The following KCTD16 variants were observed in gnomAD, a reference collection of about 807,000 sequenced individuals.
KCTD16 encodes the protein potassium channel tetramerization domain containing 16.
Under a neutral mutation model 33.2 loss-of-function variants are expected in KCTD16, and 13 were observed. The ratio of observed to expected loss-of-function variants is 0.39; its 90% confidence interval spans 0.25 to 0.62. The LOEUF (loss-of-function observed/expected upper bound fraction) is 0.62, where lower values mean the gene tolerates loss of function less well. Ranked by LOEUF, KCTD16 falls within the 20% of genes least tolerant of loss-of-function variation. The pLI is 0.50. For synonymous variants in KCTD16, 197 were observed against 195.3 expected (o/e 1.01, Z -0.07); for missense variants, 441 against 525.1 (o/e 0.84, Z 1.57).
chr5:144,431,916 A>G (rs946109969), intron 3 of KCTD16, among the ~76,000 whole-genome samples: 2 of 152,152 alleles, frequency 1.3e-5, no homozygotes, highest in African/African-American at 2.4e-5. Flanking sequence ...TTAACACCAA[A>G]CCATGTGTCT....
At chr5:144,191,339 C>T (rs1412264579) in intron 2 of KCTD16, among the ~76,000 whole-genome samples, 1 of 152,180 alleles carries the variant, frequency 6.6e-6, no homozygotes, top group Non-Finnish European at 1.5e-5. Context: ...TTAGTGTTTA[C>T]AGAATTAAGT....
At chr5:144,210,536 A>G (rs796967662) in intron 3 of KCTD16, among the ~76,000 whole-genome samples, 8 of 152,280 alleles carry the variant, frequency 5.3e-5, no homozygotes, top group African/African-American at 1.7e-4. Context: ...CAACCAACTG[A>G]CTGAATAATT....
chr5:144,255,360 T>A (rs1754816149), intron 3 of KCTD16, among the ~76,000 whole-genome samples: 1 of 152,210 alleles, frequency 6.6e-6, no homozygotes, highest in Non-Finnish European at 1.5e-5. Flanking sequence ...AAGTGGGATT[T>A]TTTTTTATCA....
intron 3 of KCTD16, among the ~76,000 whole-genome samples, chr5:144,208,137 CT>C (rs1580788404): frequency 1.3e-5 from 2 of 152,270 alleles, no homozygotes; most frequent in Admixed American, 6.5e-5. Flanking sequence ...ATTCTGAAGC[CT>C]TTTGTACTGA....
chr5:144,192,920 C>A (rs974737378), intron 2 of KCTD16, among the ~76,000 whole-genome samples: 2 of 152,018 alleles, frequency 1.3e-5, no homozygotes, highest in African/African-American at 2.4e-5. Context: ...GATATCTGGG[C>A]AAATAATGGC....
chr5:144,264,167 A>G (rs1755080884), intron 3 of KCTD16, among the ~76,000 whole-genome samples: 1 of 152,228 alleles, frequency 6.6e-6, no homozygotes, highest in Non-Finnish European at 1.5e-5. Flanking sequence ...AAATTAATTT[A>G]AATTAAAATA....
Position 144,207,204 on chromosome 5 carries a change from G to A in KCTD16, c.490G>A (p.Gly164Ser), listed in dbSNP as rs1295411791. The change falls in exon 3 of 4, where the codon GGT becomes AGT. Residue 164 changes from glycine (G) to serine (S), a missense_variant. Transcript: ENST00000512467. ...CCTGCTCCCTGCCGACCGCAAGTGG[G>A]GTTTCATTACTGTGGGTTACAGAGG... Reference protein sequence around the residue: ...SSLLPADRKWGFITVGYRGSC... With the variant: ...SSLLPADRKWSFITVGYRGSC... The A allele has an allele frequency of 1.2e-6, 2 of 1,613,660 alleles. No homozygotes were observed. The highest frequency in any genetic ancestry group is 1.7e-6 in the Non-Finnish European group (2 of 1,179,784).
chr5:144,423,835 C>T, intron 3 of KCTD16, among the ~76,000 whole-genome samples: 1 of 152,034 alleles, frequency 6.6e-6, no homozygotes, highest in South Asian at 2.1e-4. Context: ...ATGCTTTATC[C>T]ACCACTGTCC....
In KCTD16 at chr5:144,360,303, A is replaced by G. The variant is rs534248214; in HGVS notation, c.833-113357A>G. Among the ~76,000 whole-genome samples the G allele has an allele frequency of 3.0e-4, 46 of 151,964 alleles. 1 individual carries two copies. In the South Asian group the frequency reaches 9.4e-3, roughly 31 times the overall value. ...GTGTGATGTTCCCTGCCCTGTGTCC[A>G]TGTGTTCTCATTTTTCAACTTCCAC... is the stretch of plus-strand genomic sequence containing the variant. On this transcript the variant is annotated intron_variant, in intron 3 of 3. Coordinates refer to ENST00000512467, the MANE Select transcript of KCTD16 (RefSeq NM_020768.4).
chr5:144,178,160 T>G (rs1259199161), intron 2 of KCTD16, among the ~76,000 whole-genome samples: 3 of 152,230 alleles, frequency 2.0e-5, no homozygotes, highest in African/African-American at 7.2e-5. Flanking sequence ...AAGAGGCCAT[T>G]ATGTTTATAA....
At chr5:144,219,265 G>A (rs541350222) in intron 3 of KCTD16, among the ~76,000 whole-genome samples, 1 of 152,110 alleles carries the variant, frequency 6.6e-6, no homozygotes, top group South Asian at 2.1e-4. Flanking sequence ...CCAGGCTGGA[G>A]TACAGTGGCA....
chr5:144,332,001 A>G (rs1281464134), intron 3 of KCTD16, among the ~76,000 whole-genome samples: 1 of 152,172 alleles, frequency 6.6e-6, no homozygotes, highest in East Asian at 1.9e-4. Context: ...AAATTCTTAG[A>G]AAAAGCCCAT....
At chr5:144,256,766 C>T (rs1754861110) in intron 3 of KCTD16, among the ~76,000 whole-genome samples, 1 of 151,914 alleles carries the variant, frequency 6.6e-6, no homozygotes, top group Non-Finnish European at 1.5e-5. Flanking sequence ...CATCATGTTG[C>T]TAAAGGAAAA....
Position 144,480,597 on chromosome 5 carries a change from T to C in KCTD16, c.*6483T>C, listed in dbSNP as rs1754685809. ...GAAACTCTCCTTGATTCATGTGGGTTATGTGCATTTAAGGCCGTGGCTCTC... is the reference window on the plus strand; with the variant it reads ...GAAACTCTCCTTGATTCATGTGGGTCATGTGCATTTAAGGCCGTGGCTCTC... On this transcript the variant is annotated 3_prime_UTR_variant, in exon 4 of 4. Coordinates refer to ENST00000512467, the MANE Select transcript of KCTD16 (RefSeq NM_020768.4). The C allele has an allele frequency of 6.6e-6, 1 of 151,908 alleles. No homozygotes were observed. 9.4% of individuals were successfully genotyped at this position (151,908 alleles called of 1,614,324 possible). A position where few individuals can be genotyped will look rare whatever the true frequency, so the allele number is the denominator to read the frequency against.
chr5:144,402,880 T>TA (rs1752733857), intron 3 of KCTD16, among the ~76,000 whole-genome samples: 1 of 152,222 alleles, frequency 6.6e-6, no homozygotes. Flanking sequence ...TTTATTCTGT[T>TA]ACCGTTTGGA....
chr5:144,269,480 A>G (rs527400875), intron 3 of KCTD16, among the ~76,000 whole-genome samples: 36 of 152,228 alleles, frequency 2.4e-4, no homozygotes, highest in African/African-American at 7.9e-4. Context: ...AAATAATCCT[A>G]TATCTGGCAA....
chr5:144,318,368 T>C (rs1304615638), intron 3 of KCTD16, among the ~76,000 whole-genome samples: 3 of 152,188 alleles, frequency 2.0e-5, no homozygotes, highest in Admixed American at 1.3e-4. Flanking sequence ...GAGACTATCA[T>C]ATAATGCAAT....
At position 144,207,318 on chromosome 5, in the gene KCTD16, A is replaced by G. The variant is rs753379870; in HGVS notation, c.604A>G (p.Lys202Glu). 1 of 1,614,212 alleles carries G rather than the reference A, an allele frequency of 6.2e-7. No individual in the cohort carries two copies. The highest frequency in any genetic ancestry group is 8.5e-7 in the Non-Finnish European group (1 of 1,180,048). Residue 202 changes from lysine to glutamate, a missense_variant, in exon 3 of 4, where the codon AAA becomes GAA. By Grantham distance (56) the Lys-to-Glu change is moderately conservative (BLOSUM62 1). Around this residue, in one of 3 missense-constraint regions of KCTD16, gnomAD observed 355 missense variants for 413.0 expected, o/e 0.86. Coordinates refer to ENST00000512467, the MANE Select transcript of KCTD16 (RefSeq NM_020768.4). Reference sequence around the variant, plus strand: ...GGTTTGTGGAAGGATTTCCTTGGCAAAAGAAGTCTTTGGAGAAACTTTGAA... The same window carrying G: ...GGTTTGTGGAAGGATTTCCTTGGCAGAAGAAGTCTTTGGAGAAACTTTGAA... ...ILVCGRISLA[K>E]EVFGETLNES...
In KCTD16 at chr5:144,314,875, A is replaced by G. The variant is rs147836504; in HGVS notation, c.832+107329A>G. On this transcript the variant is annotated intron_variant, in intron 3 of 3. Transcript: ENST00000512467. ...GCTAATAAAAAGACCTAAATCACACATCTTTGCCTATATTTACTCCTCAGT... is the reference window on the plus strand; with the variant it reads ...GCTAATAAAAAGACCTAAATCACACGTCTTTGCCTATATTTACTCCTCAGT... Among the ~76,000 whole-genome samples, 137 of 152,240 alleles carry G rather than the reference A, an allele frequency of 9.0e-4. 2 individuals carry two copies. The East Asian group carries it at 0.024, about 27-fold the overall frequency.
Sources: allele counts gnomAD v4.1 joint callset (sites outside exome capture counted in the v4.1 genomes callset), GRCh38; gene constraint gnomAD v4.1.1; regional missense constraint gnomAD v4.1.1; transcripts MANE v1.5; gene names NCBI Gene and HGNC (gene_info 2026-07-23, HGNC 2026-07-21).